SGCZ: variants seen among roughly 807,000 people sequenced by gnomAD.
The protein encoded by SGCZ is zeta-sarcoglycan.
In SGCZ, 40 loss-of-function variants were observed where a neutral mutation model predicts 41.3. The observed-to-expected ratio is 0.97, with a 90% CI of 0.75 to 1.26. The LOEUF (loss-of-function observed/expected upper bound fraction) is 1.26, where lower values mean the gene tolerates loss of function less well. Ranked by LOEUF, SGCZ falls within the 50% of genes most tolerant of loss-of-function variation. SGCZ has a pLI of 0.00. For missense variants in SGCZ, 552 were observed against 369.8 expected (o/e 1.49, Z -4.04); for synonymous variants, 206 against 137.5 (o/e 1.50, Z -3.49).
At chr8:14,475,966 C>A (rs575360281) in intron 2 of SGCZ, among the ~76,000 whole-genome samples, 1 of 152,002 alleles carries the variant, frequency 6.6e-6, no homozygotes, top group African/African-American at 2.4e-5. Context: ...TTTGCGCCAC[C>A]ATGCCTAGCT....
At chr8:14,530,191 C>G (rs1007562252) in intron 2 of SGCZ, among the ~76,000 whole-genome samples, 1 of 151,618 alleles carries the variant, frequency 6.6e-6, no homozygotes, top group Non-Finnish European at 1.5e-5. Flanking sequence ...TCTTAAGAGG[C>G]CTAAGCTAAA....
chr8:14,525,749 A>C (rs537094604), intron 2 of SGCZ, among the ~76,000 whole-genome samples: 1 of 152,160 alleles, frequency 6.6e-6, no homozygotes, highest in Non-Finnish European at 1.5e-5. Flanking sequence ...CAGATCAATC[A>C]CTGTTAAATT....
At chr8:14,590,377 T>C (rs1805202309) in intron 1 of SGCZ, among the ~76,000 whole-genome samples, 2 of 151,970 alleles carry the variant, frequency 1.3e-5, no homozygotes, top group South Asian at 2.1e-4. Flanking sequence ...TTCTAAAAGA[T>C]GTAAGGTATA....
At chr8:14,967,446 C>T (rs1801158844) in intron 1 of SGCZ, among the ~76,000 whole-genome samples, 1 of 152,206 alleles carries the variant, frequency 6.6e-6, no homozygotes, top group African/African-American at 2.4e-5. Flanking sequence ...ATGCACACCT[C>T]TGTCTTCAAT....
intron 1 of SGCZ, among the ~76,000 whole-genome samples, chr8:14,938,742 A>G (rs1800166340): frequency 6.6e-6 from 1 of 152,174 alleles, no homozygotes; most frequent in Non-Finnish European, 1.5e-5. Flanking sequence ...AAGTGAAGTA[A>G]TTCAGGAATG....
At chr8:14,160,835 G>T (rs1319881068) in intron 5 of SGCZ, among the ~76,000 whole-genome samples, 2 of 152,118 alleles carry the variant, frequency 1.3e-5, no homozygotes, top group South Asian at 2.1e-4. Flanking sequence ...AATCATTATA[G>T]TCATAACTGA....
intron 4 of SGCZ, among the ~76,000 whole-genome samples, chr8:14,191,404 C>T (rs773329466): frequency 6.6e-6 from 1 of 152,096 alleles, no homozygotes; most frequent in East Asian, 1.9e-4. Flanking sequence ...AAAATCACTG[C>T]CAAGGTTAAT....
At chr8:14,244,342 A>G (rs1312786600) in intron 3 of SGCZ, among the ~76,000 whole-genome samples, 3 of 151,986 alleles carry the variant, frequency 2.0e-5, no homozygotes, top group Admixed American at 2.0e-4. Flanking sequence ...AAGTCATATC[A>G]AATTATTATT....
chr8:14,761,474 G>C (rs955634608), intron 1 of SGCZ, among the ~76,000 whole-genome samples: 1 of 150,814 alleles, frequency 6.6e-6, no homozygotes, highest in Non-Finnish European at 1.5e-5. Flanking sequence ...TCTACCTGTA[G>C]ACTCTCAAGA....
intron 1 of SGCZ, among the ~76,000 whole-genome samples, chr8:14,921,199 C>G (rs1799579134): frequency 6.6e-6 from 1 of 152,138 alleles, no homozygotes; most frequent in African/African-American, 2.4e-5. Flanking sequence ...GAAAGCTTCC[C>G]AAGAGCAGCC....
At chr8:14,920,104 G>A (rs925626545) in intron 1 of SGCZ, among the ~76,000 whole-genome samples, 1 of 152,114 alleles carries the variant, frequency 6.6e-6, no homozygotes. Context: ...TATCTGGGCT[G>A]CTTTGGGTAA....
At chr8:14,960,931 GCACA>G (rs56258079) in intron 1 of SGCZ, among the ~76,000 whole-genome samples, 54,240 of 144,266 alleles carry the variant, frequency 0.38, 11,712 homozygotes, top group East Asian at 0.5. Context: ...CAAGGAAATG[GCACA>G]CACACACACA....
intron 2 of SGCZ, among the ~76,000 whole-genome samples, chr8:14,360,816 G>T (rs922312980): frequency 6.6e-6 from 1 of 152,084 alleles, no homozygotes; most frequent in East Asian, 1.9e-4. Context: ...CATAAATGCC[G>T]CAGAGTACAA....
intron 7 of SGCZ, among the ~76,000 whole-genome samples, chr8:14,091,752 G>T (rs962181084): frequency 2.0e-5 from 3 of 152,100 alleles, no homozygotes; most frequent in Admixed American, 6.6e-5. Context: ...TGGACAGATT[G>T]CAAAAATTTT....
intron 1 of SGCZ, among the ~76,000 whole-genome samples, chr8:14,666,078 T>C (rs886997165): frequency 2.6e-5 from 4 of 152,272 alleles, no homozygotes; most frequent in Admixed American, 6.5e-5. Context: ...ACATTTGCCC[T>C]TCTCAGATTT....
intron 1 of SGCZ, among the ~76,000 whole-genome samples, chr8:14,957,147 A>C: frequency 6.6e-6 from 1 of 152,176 alleles, no homozygotes; most frequent in East Asian, 1.9e-4. Flanking sequence ...TCATTAAATA[A>C]ATTCTATAAA....
chr8:14,326,948 A>G (rs1802139861), intron 2 of SGCZ, among the ~76,000 whole-genome samples: 1 of 152,208 alleles, frequency 6.6e-6, no homozygotes, highest in Non-Finnish European at 1.5e-5. Flanking sequence ...TTTGCTAGAC[A>G]GGAATGACAG....
intron 1 of SGCZ, among the ~76,000 whole-genome samples, chr8:15,139,138 G>A (rs553752675): frequency 1.9e-4 from 29 of 152,242 alleles, no homozygotes; most frequent in African/African-American, 6.7e-4. Context: ...CTGAGGGCTT[G>A]GCTGTTCTCC....
chr8:15,194,220 CA>C (rs1188016041), intron 1 of SGCZ, among the ~76,000 whole-genome samples: 13 of 151,842 alleles, frequency 8.6e-5, no homozygotes, highest in African/African-American at 2.4e-4. Context: ...CACACACACA[CA>C]CACACACCAC....
Sources: gnomAD v4.1 joint callset for allele counts (sites outside exome capture counted in the v4.1 genomes callset) on GRCh38, gnomAD v4.1.1 for gene constraint, MANE v1.5 for transcripts, NCBI Gene and HGNC (gene_info 2026-07-23, HGNC 2026-07-21) for gene names.